THADA: variants seen among roughly 807,000 people sequenced by gnomAD.
The protein encoded by THADA is tRNA (32-2'-O)-methyltransferase regulator THADA.
In THADA, 213 loss-of-function variants were observed where a neutral mutation model predicts 219.8. The ratio of observed to expected loss-of-function variants is 0.97; its 90% CI spans 0.87 to 1.09. The LOEUF is 1.09. Among genes scored for constraint, THADA ranks in the 50% least tolerant of loss-of-function variants. The probability of loss-of-function intolerance (pLI) is 0.00; values close to 1 mark genes in which losing one functional copy is unlikely to be tolerated. For missense variants in THADA, 2,956 were observed against 2,311.3 expected (o/e 1.28, Z -5.72); for synonymous variants, 1,018 against 828.9 (o/e 1.23, Z -3.92).
intron 29 of THADA, among the ~76,000 whole-genome samples, chr2:43,353,292 C>T (rs138189305): frequency 9.5e-4 from 144 of 152,272 alleles, no homozygotes; most frequent in African/African-American, 3.3e-3. Flanking sequence ...TGCGTGCCCA[C>T]TCACAGGATG....
chr2:43,424,671 A>G (rs1280715151), intron 28 of THADA, among the ~76,000 whole-genome samples: 1 of 152,218 alleles, frequency 6.6e-6, no homozygotes, highest in Non-Finnish European at 1.5e-5. Flanking sequence ...ATCTGTTTAT[A>G]GTTCACCTCG....
intron 21 of THADA, among the ~76,000 whole-genome samples, chr2:43,532,198 G>C (rs1356348714): frequency 6.6e-6 from 1 of 151,846 alleles, no homozygotes; most frequent in East Asian, 1.9e-4. Flanking sequence ...GATTGCCTGA[G>C]CTCAGGAGTT....
intron 36 of THADA, among the ~76,000 whole-genome samples, chr2:43,254,020 G>T (rs76802621): frequency 0.068 from 10,348 of 151,956 alleles, 431 homozygotes; most frequent in South Asian, 0.18. Context: ...GTTTGGGTGG[G>T]GCTAACCCTA....
At chr2:43,313,857 C>T (rs771535189) in intron 31 of THADA, among the ~76,000 whole-genome samples, 5 of 152,226 alleles carry the variant, frequency 3.3e-5, no homozygotes, top group East Asian at 1.9e-4. Flanking sequence ...CTGGTTGTGC[C>T]GTGAGGCCAC....
rs1161433363 is a variant in THADA, at chr2:43,593,607, T to C, written c.-24-1191A>G. Among the ~76,000 whole-genome samples the C allele has an allele frequency of 2.7e-5, 4 of 150,412 alleles. No homozygotes were observed. The East Asian group carries it at 7.8e-4, about 29-fold the overall frequency. On this transcript the variant is annotated intron_variant, in intron 1 of 37. Coordinates refer to ENST00000405975, the MANE Select transcript of THADA (RefSeq NM_022065.5). ...TAGACTGTTTTGGAGAAAAAGGGAA[T>C]AGATTTATTTGTCTACTACAGACTT...
chr2:43,364,563 G>A (rs1669911128), intron 29 of THADA, among the ~76,000 whole-genome samples: 1 of 152,184 alleles, frequency 6.6e-6, no homozygotes. Context: ...GGCTCACAAT[G>A]GAGAATCACT....
chr2:43,554,204 A>T (rs1697082081), intron 17 of THADA, among the ~76,000 whole-genome samples: 1 of 152,184 alleles, frequency 6.6e-6, no homozygotes, highest in Non-Finnish European at 1.5e-5. Flanking sequence ...ACAATGACTG[A>T]CATCTATGTT....
intron 36 of THADA, among the ~76,000 whole-genome samples, chr2:43,245,564 C>T (rs1669062442): frequency 6.6e-6 from 1 of 152,162 alleles, no homozygotes; most frequent in African/African-American, 2.4e-5. Context: ...CTTCACTGGC[C>T]CTCATTGTCA....
At chr2:43,318,350 C>T (rs931940888) in intron 31 of THADA, among the ~76,000 whole-genome samples, 3 of 152,058 alleles carry the variant, frequency 2.0e-5, no homozygotes, top group Admixed American at 6.6e-5. Flanking sequence ...TTAGTTGCCA[C>T]ATTTTAAAAA....
chr2:43,279,633 C>A, intron 36 of THADA, 132 bp downstream of exon 36: 2 of 1,210,652 alleles, frequency 1.7e-6, no homozygotes, highest in Non-Finnish European at 2.2e-6. Flanking sequence ...GGCTTTCCCA[C>A]TAAGATGGCA....
At chr2:43,514,603 T>TATAATA (rs1418090404) in intron 22 of THADA, among the ~76,000 whole-genome samples, 56 of 92,056 alleles carry the variant, frequency 6.1e-4, no homozygotes, top group African/African-American at 2.7e-3. Context: ...GTATATTTTA[T>TATAATA]ATATATTTTA....
At chr2:43,510,360 A>G (rs1339790841) in intron 22 of THADA, among the ~76,000 whole-genome samples, 1 of 152,166 alleles carries the variant, frequency 6.6e-6, no homozygotes, top group Non-Finnish European at 1.5e-5. Flanking sequence ...AATATATGTG[A>G]TATACATATA....
chr2:43,590,363 A>G (rs1035790757), intron 4 of THADA, among the ~76,000 whole-genome samples: 17 of 152,138 alleles, frequency 1.1e-4, no homozygotes, highest in African/African-American at 2.4e-4. Context: ...GTGACCTAAG[A>G]AGGCTTTTTA....
intron 36 of THADA, among the ~76,000 whole-genome samples, chr2:43,258,737 G>A (rs1045135142): frequency 9.8e-5 from 15 of 152,292 alleles, no homozygotes; most frequent in African/African-American, 2.9e-4. Context: ...AATGAAGAAT[G>A]AAGCAGCACA....
At chr2:43,294,455 G>A (rs559854703) in intron 31 of THADA, among the ~76,000 whole-genome samples, 33 of 152,264 alleles carry the variant, frequency 2.2e-4, no homozygotes, top group African/African-American at 6.7e-4. Flanking sequence ...GAAACAGAAC[G>A]GACCATGTGG....
At chr2:43,309,821 G>A (rs1677282470) in intron 31 of THADA, among the ~76,000 whole-genome samples, 1 of 152,134 alleles carries the variant, frequency 6.6e-6, no homozygotes, top group Admixed American at 6.5e-5. Context: ...AAGAAAAAAG[G>A]AGTCCACAAT....
rs57697839 is a variant in THADA at position 43,308,758 on chromosome 2, C to CAAAAAAAAAA, written c.4438+11678_4438+11687dup. Among the ~76,000 whole-genome samples the CAAAAAAAAAA allele has an allele frequency of 7.9e-5, 4 of 50,866 alleles. 2 individuals carry two copies. The highest frequency in any genetic ancestry group is 2.4e-4 in the African/African-American group (2 of 8,478). The allele number at this position is 50,866 out of a possible 152,430, so 33.4% of individuals were successfully genotyped here. The stretch of plus-strand genomic sequence containing the variant: ...GTGCTGAAACATTGGATACCCATAC[C>CAAAAAAAAAA]AAAAAAAAAAAAAAAAAAAAAAAAA... On this transcript the variant is annotated intron_variant, in intron 31 of 37. Transcript: ENST00000405975.
chr2:43,523,306 G>A (rs1692732992), intron 22 of THADA, among the ~76,000 whole-genome samples: 1 of 151,808 alleles, frequency 6.6e-6, no homozygotes, highest in Non-Finnish European at 1.5e-5. Flanking sequence ...GGCAGAAGTT[G>A]CAATGAGCCA....
intron 28 of THADA, among the ~76,000 whole-genome samples, chr2:43,403,862 T>C (rs1317108874): frequency 6.6e-6 from 1 of 151,514 alleles, no homozygotes; most frequent in Non-Finnish European, 1.5e-5. Context: ...CTAAAGTTAC[T>C]CAAGAATGCC....
Sources: allele counts gnomAD v4.1 joint callset (sites outside exome capture counted in the v4.1 genomes callset), GRCh38; gene constraint gnomAD v4.1.1; transcripts MANE v1.5; gene names NCBI Gene and HGNC (gene_info 2026-07-23, HGNC 2026-07-21).